The following RYR2 variants were observed in gnomAD, a reference collection of about 807,000 sequenced individuals.
RYR2 encodes ryanodine receptor 2.
In RYR2, 227 loss-of-function variants were observed where a neutral mutation model predicts 601.1. The observed-to-expected ratio is 0.38, with a 90% CI of 0.34 to 0.42. The LOEUF (loss-of-function observed/expected upper bound fraction) is 0.42. RYR2 is among the 10% of genes least tolerant of loss of function. The pLI is 1.00. For synonymous variants in RYR2, 2,223 were observed against 2,175.1 expected, an observed-to-expected ratio of 1.02 and a Z score of -0.61; for missense variants, 4,646 against 6,156.5, an observed-to-expected ratio of 0.75 and a Z score of 8.21.
At chr1:237,673,962 G>A in intron 58 of RYR2, 134 bp from the exon 59 acceptor site, 1 of 590,554 alleles carries the variant, frequency 1.7e-6, no homozygotes, top group East Asian at 2.8e-5. Flanking sequence ...AGTAGAGGCA[G>A]AAGAGTCTTA....
At position 237,655,848 on chromosome 1, in the gene RYR2, G is replaced by A. The variant is rs781720499; in HGVS notation, c.7993G>A (p.Ala2665Thr). 3 of 1,603,452 alleles carry A rather than the reference G, an allele frequency of 1.9e-6. No individual in the cohort carries two copies. Among genetic ancestry groups the A allele is most frequent in the Admixed American group, 1.7e-5 (1 of 58,208 alleles). The part of the protein sequence containing the change: ...KKYEQELFKL[A>T]LPCLSAVAGA... ...ATATGAACAAGAACTTTTCAAACTG[G>A]CACTGCCTTGCCTGAGTGCAGTTGC... The change falls in exon 53 of 105, where the codon GCA (alanine) becomes ACA (threonine). Residue 2665 changes from alanine to threonine, a missense_variant. Coordinates refer to ENST00000366574, the MANE Select transcript of RYR2 (RefSeq NM_001035.3).
At chr1:237,345,342 G>T (rs967823618) in intron 3 of RYR2, among the ~76,000 whole-genome samples, 4 of 151,886 alleles carry the variant, frequency 2.6e-5, no homozygotes, top group Non-Finnish European at 5.9e-5. Flanking sequence ...GATCTAAAAT[G>T]TAAGACTTTA....
chr1:237,588,765 G>A (rs1987938), intron 29 of RYR2, among the ~76,000 whole-genome samples: 77,498 of 151,804 alleles, frequency 0.51, 20,107 homozygotes, highest in South Asian at 0.66. Context: ...CTTGGGAGGC[G>A]GAGGTTGCAG....
rs761010650 is a variant in RYR2 at position 237,590,756 on chromosome 1, C to T, written c.3924C>T (p.Ile1308=). ...DIMFYRLSMP[I]ECAEVFSKTV... ...TGTTTTATCGCCTGAGCATGCCGAT[C>T]GAGTGCGCGGAGGTCTTCTCCAAGA... The change falls in exon 31 of 105, where the codon ATC becomes ATT. Residue 1308 remains isoleucine (I), a synonymous_variant. Coordinates refer to ENST00000366574, the MANE Select transcript of RYR2 (RefSeq NM_001035.3). The T allele has an allele frequency of 6.2e-6, 10 of 1,613,620 alleles. No individual in the cohort carries two copies. In the African/African-American group the frequency reaches 1.1e-4, roughly 17 times the overall value.
intron 14 of RYR2, among the ~76,000 whole-genome samples, chr1:237,450,821 C>A (rs1657998147): frequency 6.6e-6 from 1 of 152,154 alleles, no homozygotes; most frequent in African/African-American, 2.4e-5. Context: ...TGAGAAGTGC[C>A]ATGGATAAAC....
chr1:237,253,237 A>ATATTAC (rs112353261), intron 1 of RYR2, among the ~76,000 whole-genome samples: 3 of 150,370 alleles, frequency 2.0e-5, no homozygotes, highest in Non-Finnish European at 4.4e-5. Flanking sequence ...TTATTATTAT[A>ATATTAC]TTATTATTTC....
At chr1:237,605,514 A>G (rs1677021401) in intron 35 of RYR2, among the ~76,000 whole-genome samples, 1 of 151,288 alleles carries the variant, frequency 6.6e-6, no homozygotes, top group Admixed American at 6.6e-5. Flanking sequence ...AACTGGCACA[A>G]GTGGCCTTCT....
chr1:237,491,280 C>T (rs929386979), intron 17 of RYR2, among the ~76,000 whole-genome samples: 1 of 152,060 alleles, frequency 6.6e-6, no homozygotes, highest in African/African-American at 2.4e-5. Flanking sequence ...CTATAAACCT[C>T]AAGGAGAATG....
intron 14 of RYR2, among the ~76,000 whole-genome samples, chr1:237,453,533 A>G (rs1224717847): frequency 6.6e-6 from 1 of 152,202 alleles, no homozygotes; most frequent in Non-Finnish European, 1.5e-5. Context: ...TTTTGCTAAT[A>G]CAGAGAGCAG....
intron 38 of RYR2, among the ~76,000 whole-genome samples, 166 bp downstream of exon 38, chr1:237,617,652 G>T (rs1300976952): frequency 6.6e-6 from 1 of 152,108 alleles, no homozygotes; most frequent in Non-Finnish European, 1.5e-5. Flanking sequence ...GAATTTCTTT[G>T]GTTAGTTTAC....
chr1:237,807,437 G>A (rs1935265), intron 99 of RYR2, among the ~76,000 whole-genome samples: 47,774 of 151,936 alleles, frequency 0.31, 7,763 homozygotes, highest in African/African-American at 0.41. Context: ...TGCAACCTCC[G>A]CCTCCCTAGG....
chr1:237,456,795 G>A (rs1658883405), intron 16 of RYR2, 60 bp downstream of exon 16: 1 of 1,557,706 alleles, frequency 6.4e-7, no homozygotes. Flanking sequence ...TCCATAAATG[G>A]ACTAGGTGTG....
chr1:237,474,274 C>G (rs1661145775), intron 17 of RYR2, among the ~76,000 whole-genome samples: 1 of 68,086 alleles, frequency 1.5e-5, no homozygotes, highest in African/African-American at 3.4e-5. Context: ...TACCTACACA[C>G]ACACACACAC....
At chr1:237,766,951 ACAACCTAC>A (rs1693893364) in intron 84 of RYR2, among the ~76,000 whole-genome samples, 1 of 152,218 alleles carries the variant, frequency 6.6e-6, no homozygotes, top group Non-Finnish European at 1.5e-5. Context: ...CAACTGTCAT[ACAACCTAC>A]AGAAATTCTG....
chr1:237,326,196 TA>T (rs748444331), intron 2 of RYR2, among the ~76,000 whole-genome samples: 8 of 152,106 alleles, frequency 5.3e-5, no homozygotes, highest in Non-Finnish European at 1.2e-4. Flanking sequence ...GCTTTGTGGT[TA>T]TTCTTGAGAT....
intron 79 of RYR2, among the ~76,000 whole-genome samples, chr1:237,738,381 C>T (rs1179925749): frequency 1.3e-5 from 2 of 152,154 alleles, no homozygotes; most frequent in African/African-American, 4.8e-5. Context: ...CATAAACCCA[C>T]TTCTGACAAG....
intron 1 of RYR2, among the ~76,000 whole-genome samples, chr1:237,113,330 C>A (rs1669707192): frequency 6.6e-6 from 1 of 152,002 alleles, no homozygotes; most frequent in Admixed American, 6.6e-5. Context: ...CCCTGAGTAG[C>A]TGGGATTACA....
At chr1:237,086,078 G>T (rs2148429402) in intron 1 of RYR2, among the ~76,000 whole-genome samples, 1 of 152,340 alleles carries the variant, frequency 6.6e-6, no homozygotes, top group Non-Finnish European at 1.5e-5. Flanking sequence ...TTAGCCTAAG[G>T]CATGCTCTGT....
chr1:237,754,344 G>A (rs976191409), intron 80 of RYR2, among the ~76,000 whole-genome samples: 3 of 152,026 alleles, frequency 2.0e-5, no homozygotes, highest in African/African-American at 4.8e-5. Flanking sequence ...TTAGGTTACC[G>A]GGACCTTACA....
Sources: allele counts gnomAD v4.1 joint callset (sites outside exome capture counted in the v4.1 genomes callset), GRCh38; gene constraint gnomAD v4.1.1; transcripts MANE v1.5; gene names NCBI Gene and HGNC (gene_info 2026-07-23, HGNC 2026-07-21).